The following DACH2 variants were observed in gnomAD, a reference collection of about 807,000 sequenced individuals.
DACH2 encodes dachshund family transcription factor 2.
In DACH2, 17 loss-of-function variants were observed where a neutral mutation model predicts 35.8. The ratio of observed to expected loss-of-function variants is 0.48; its 90% CI spans 0.33 to 0.71. DACH2 has a LOEUF of 0.71. DACH2 is among the 30% of genes least tolerant of loss of function. The pLI is 0.02. For synonymous variants in DACH2, 195 were observed against 177.3 expected (o/e 1.10, Z -0.79); for missense variants, 469 against 472.7 (o/e 0.99, Z 0.07).
At chrX:86,300,899 T>C (rs2034563534) in intron 1 of DACH2, among the ~76,000 whole-genome samples, 2 of 112,093 alleles carry the variant, frequency 1.8e-5, no homozygotes, top group African/African-American at 6.5e-5. Flanking sequence ...GAATAAATAT[T>C]TAGCACCAGC....
At chrX:86,268,543 T>TATTTTATTTTA (rs1556007498) in intron 1 of DACH2, among the ~76,000 whole-genome samples, 117 of 90,023 alleles carry the variant, frequency 1.3e-3, no homozygotes, top group African/African-American at 5.4e-3. Flanking sequence ...TATTTTATTT[T>TATTTTATTTTA]ATTTTATTTG....
At chrX:86,664,240 T>C (rs2040640891) in intron 4 of DACH2, among the ~76,000 whole-genome samples, 1 of 110,799 alleles carries the variant, frequency 9.0e-6, no homozygotes, top group African/African-American at 3.3e-5. Flanking sequence ...GATGCTGAAG[T>C]TAACATGCAT....
chrX:86,571,283 G>C (rs2039363686), intron 3 of DACH2, among the ~76,000 whole-genome samples: 1 of 110,558 alleles, frequency 9.0e-6, no homozygotes, highest in Admixed American at 9.7e-5. Context: ...TAGGTCCCAT[G>C]GGTTTTTATT....
intron 1 of DACH2, among the ~76,000 whole-genome samples, chrX:86,157,921 A>G (rs1240301484): frequency 9.0e-6 from 1 of 111,408 alleles, no homozygotes; most frequent in African/African-American, 3.3e-5. Context: ...TAATTATCAT[A>G]TAAGACTATA....
chrX:86,466,061 G>T (rs746925832), intron 2 of DACH2, among the ~76,000 whole-genome samples: 1 of 111,442 alleles, frequency 9.0e-6, no homozygotes, highest in East Asian at 2.8e-4. Context: ...CCTGAGACTG[G>T]GGAAAAACAG....
intron 1 of DACH2, among the ~76,000 whole-genome samples, chrX:86,366,174 C>G (rs1243523156): frequency 9.0e-6 from 1 of 110,702 alleles, no homozygotes; most frequent in Non-Finnish European, 1.9e-5. Context: ...ACCAAAGGGT[C>G]TTCCTTTTGG....
intron 1 of DACH2, among the ~76,000 whole-genome samples, chrX:86,167,424 G>A (rs1207078231): frequency 9.2e-6 from 1 of 108,201 alleles, no homozygotes; most frequent in East Asian, 2.8e-4. Context: ...ATTGCTAATT[G>A]TATTTATTGG....
intron 2 of DACH2, among the ~76,000 whole-genome samples, chrX:86,459,322 C>T (rs1474353042): frequency 9.0e-6 from 1 of 111,592 alleles, no homozygotes; most frequent in African/African-American, 3.2e-5. Context: ...CTGGATGCTT[C>T]TCAAAAGCAA....
chrX:86,663,769 G>A (rs1315030859), intron 4 of DACH2, among the ~76,000 whole-genome samples: 1 of 111,462 alleles, frequency 9.0e-6, no homozygotes, highest in African/African-American at 3.3e-5. Flanking sequence ...CACCATGTCC[G>A]CTTAACCTAA....
intron 2 of DACH2, among the ~76,000 whole-genome samples, chrX:86,458,045 G>A (rs1264459566): frequency 8.9e-6 from 1 of 111,860 alleles, no homozygotes; most frequent in Non-Finnish European, 1.9e-5. Context: ...CTGTATTTTA[G>A]TCAATTCTAG....
chrX:86,225,609 A>C (rs1176203195), intron 1 of DACH2, among the ~76,000 whole-genome samples: 1 of 111,228 alleles, frequency 9.0e-6, no homozygotes, highest in African/African-American at 3.3e-5. Flanking sequence ...GCTAAAAAGT[A>C]GCTTATTTGC....
At chrX:86,234,842 G>A (rs900441020) in intron 1 of DACH2, among the ~76,000 whole-genome samples, 4 of 110,594 alleles carry the variant, frequency 3.6e-5, no homozygotes, top group Admixed American at 1.9e-4. Context: ...GGAACTCCTG[G>A]GCTCAAGCTA....
At chrX:86,327,250 T>C (rs917497633) in intron 1 of DACH2, among the ~76,000 whole-genome samples, 2 of 111,901 alleles carry the variant, frequency 1.8e-5, no homozygotes, top group African/African-American at 3.2e-5. Flanking sequence ...CTTTAGAAAA[T>C]GAATAGTGAA....
At chrX:86,726,605 C>A (rs2041472547) in intron 6 of DACH2, among the ~76,000 whole-genome samples, 1 of 111,609 alleles carries the variant, frequency 9.0e-6, no homozygotes, top group Non-Finnish European at 1.9e-5. Context: ...GGTATCTAGG[C>A]TCTCAGAATG....
At chrX:86,657,274 G>A (rs1392347184) in intron 4 of DACH2, among the ~76,000 whole-genome samples, 1 of 110,740 alleles carries the variant, frequency 9.0e-6, no homozygotes, top group African/African-American at 3.3e-5. Context: ...AACACAAAGC[G>A]TGAATGCTTG....
chrX:86,257,376 C>G (rs190339732), intron 1 of DACH2, among the ~76,000 whole-genome samples: 1 of 112,064 alleles, frequency 8.9e-6, no homozygotes, highest in African/African-American at 3.2e-5. Context: ...TACATCCCTT[C>G]AATTATTTCT....
chrX:86,356,881 G>A (rs924917154), intron 1 of DACH2, among the ~76,000 whole-genome samples: 1 of 111,195 alleles, frequency 9.0e-6, no homozygotes, highest in African/African-American at 3.3e-5. Flanking sequence ...TAGTGGTGAA[G>A]TCTGAGATTT....
chrX:86,425,511 G>C (rs1023560082), intron 2 of DACH2, among the ~76,000 whole-genome samples: 1 of 110,577 alleles, frequency 9.0e-6, no homozygotes, highest in Admixed American at 9.7e-5. Context: ...AGTTTCTGTG[G>C]TATCATTTGT....
At chrX:86,721,423 C>T (rs1250975356) in intron 6 of DACH2, among the ~76,000 whole-genome samples, 1 of 111,977 alleles carries the variant, frequency 8.9e-6, no homozygotes, top group African/African-American at 3.2e-5. Context: ...AATCTCTTTG[C>T]TAAAGCATAG....
Sources: allele counts gnomAD v4.1 joint callset (sites outside exome capture counted in the v4.1 genomes callset), GRCh38; gene constraint gnomAD v4.1.1; transcripts MANE v1.5; gene names NCBI Gene and HGNC (gene_info 2026-07-23, HGNC 2026-07-21).